The following POU1F1 variants were observed in gnomAD, a reference collection of about 807,000 sequenced individuals.
POU1F1 encodes pituitary-specific positive transcription factor 1.
Under a neutral mutation model 32.3 loss-of-function variants are expected in POU1F1, and 23 were observed. The observed-to-expected ratio is 0.71, with a 90% CI of 0.51 to 1.01. POU1F1 has a LOEUF of 1.01. POU1F1 is among the 50% of genes least tolerant of loss of function. The probability of loss-of-function intolerance (pLI) is 0.00; values close to 1 mark genes in which losing one functional copy is unlikely to be tolerated. For synonymous variants in POU1F1, 120 were observed against 115.6 expected (o/e 1.04, Z -0.25); for missense variants, 323 against 341.6 (o/e 0.95, Z 0.43).
At chr3:87,265,225 A>G (rs34487936) in intron 2 of POU1F1, among the ~76,000 whole-genome samples, 1 of 152,200 alleles carries the variant, frequency 6.6e-6, no homozygotes, top group East Asian at 1.9e-4. Flanking sequence ...TGAAAAATAT[A>G]CAATATAATA....
intron 2 of POU1F1, among the ~76,000 whole-genome samples, chr3:87,271,867 A>G (rs748489232): frequency 6.6e-6 from 1 of 152,152 alleles, no homozygotes; most frequent in Non-Finnish European, 1.5e-5. Context: ...ATTTAACCAT[A>G]AATGTTAGGA....
chr3:87,271,596 T>C (rs994263389), intron 2 of POU1F1, among the ~76,000 whole-genome samples: 15 of 152,168 alleles, frequency 9.9e-5, no homozygotes, highest in African/African-American at 3.6e-4. Flanking sequence ...TGTCATTTCC[T>C]GTCTCATAAT....
intron 5 of POU1F1, among the ~76,000 whole-genome samples, chr3:87,261,063 A>T (rs1405184039): frequency 6.6e-6 from 1 of 151,934 alleles, no homozygotes; most frequent in Non-Finnish European, 1.5e-5. Flanking sequence ...GGCACCCACC[A>T]CCATGCCCGG....
intron 2 of POU1F1, 91 bp downstream of exon 2, chr3:87,273,256 A>T: frequency 4.5e-6 from 6 of 1,325,914 alleles, no homozygotes; most frequent in Non-Finnish European, 6.4e-6. Context: ...ATCAAATTTC[A>T]TGTCACACTC....
Position 87,261,260 on chromosome 3 carries a change from A to G in POU1F1, c.665+13T>C. 6.5e-7 allele frequency: 1 copy of G among 1,538,330 alleles called. No homozygotes were observed. The highest frequency in any genetic ancestry group is 1.4e-5 in the African/African-American group (1 of 73,106). ...CAGTTTTGTCCTCTAGTAACTTTTA[A>G]TATAAAGAATACCTTATAGTTGTTC... On this transcript the variant is annotated intron_variant, in intron 5 of 5. Transcript: ENST00000350375.
At chr3:87,262,474 A>G (rs1352564225) in intron 3 of POU1F1, among the ~76,000 whole-genome samples, 2 of 152,194 alleles carry the variant, frequency 1.3e-5, no homozygotes, top group Non-Finnish European at 2.9e-5. Context: ...GAAAGAATTC[A>G]GATAGAAACA....
intron 2 of POU1F1, among the ~76,000 whole-genome samples, chr3:87,267,358 C>A (rs1706639108): frequency 6.6e-6 from 1 of 152,116 alleles, no homozygotes; most frequent in Admixed American, 6.6e-5. Flanking sequence ...AACGAATTAA[C>A]TTTGCAGTTT....
Position 87,266,053 on chromosome 3 carries a change from C to T in POU1F1, c.215-1541G>A, listed in dbSNP as rs1706614142. On this transcript the variant is annotated intron_variant, in intron 2 of 5. Transcript: ENST00000350375. ...GAGTTCATGCTACCTATAATTTCTC[C>T]ACACATACATTCTCAAATCAAAGAC... Among the ~76,000 whole-genome samples the T allele has an allele frequency of 2.0e-5, 3 of 150,510 alleles. 1 individual carries two copies. Among genetic ancestry groups the T allele is most frequent in the Middle Eastern group, 6.4e-3 (2 of 312 alleles).
intron 2 of POU1F1, among the ~76,000 whole-genome samples, chr3:87,264,974 A>T (rs1280083178): frequency 6.6e-6 from 1 of 152,170 alleles, no homozygotes. Flanking sequence ...TGCTATGCTG[A>T]GAAGTTTTCT....
intron 3 of POU1F1, among the ~76,000 whole-genome samples, chr3:87,262,602 A>C (rs1038862244): frequency 1.3e-5 from 2 of 152,078 alleles, no homozygotes; most frequent in African/African-American, 4.8e-5. Flanking sequence ...ATGCTCAAAA[A>C]ATTTTAATAT....
At chr3:87,272,924 G>T (rs1254420779) in intron 2 of POU1F1, among the ~76,000 whole-genome samples, 1 of 152,158 alleles carries the variant, frequency 6.6e-6, no homozygotes, top group Non-Finnish European at 1.5e-5. Context: ...TAGAGCACTT[G>T]AAATGTAGCA....
intron 2 of POU1F1, among the ~76,000 whole-genome samples, chr3:87,266,259 A>T (rs1254906709): frequency 6.8e-6 from 1 of 146,598 alleles, no homozygotes; most frequent in African/African-American, 2.5e-5. Context: ...TATATTTTAT[A>T]TAAATTTAAT....
intron 3 of POU1F1, 29 bp from the exon 4 acceptor site, chr3:87,262,264 T>G (rs1706528470): frequency 5.6e-6 from 9 of 1,613,046 alleles, no homozygotes; most frequent in Non-Finnish European, 7.6e-6. Context: ...GACCATCAGC[T>G]CCAACTTTCC....
chr3:87,262,833 C>T (rs867646120), intron 3 of POU1F1, among the ~76,000 whole-genome samples: 2 of 151,986 alleles, frequency 1.3e-5, no homozygotes, highest in Non-Finnish European at 1.5e-5. Context: ...ACTAATGATC[C>T]TTATTGTTTG....
At chr3:87,269,498 C>T (rs1317675033) in intron 2 of POU1F1, among the ~76,000 whole-genome samples, 1 of 151,636 alleles carries the variant, frequency 6.6e-6, no homozygotes, top group Non-Finnish European at 1.5e-5. Flanking sequence ...ACAACCAGAA[C>T]AATTTAGGGC....
At chr3:87,274,632 C>CATT (rs1706794023) in intron 1 of POU1F1, among the ~76,000 whole-genome samples, 1 of 151,224 alleles carries the variant, frequency 6.6e-6, no homozygotes. Flanking sequence ...ACATATAATG[C>CATT]ATTACTGTGC....
chr3:87,273,910 C>T (rs300977), intron 1 of POU1F1, among the ~76,000 whole-genome samples: 59,570 of 151,964 alleles, frequency 0.39, 12,131 homozygotes, highest in South Asian at 0.57. Flanking sequence ...TCTTGAACAG[C>T]GTATTTTTGC....
At chr3:87,269,117 T>G (rs1706679137) in intron 2 of POU1F1, among the ~76,000 whole-genome samples, 1 of 152,192 alleles carries the variant, frequency 6.6e-6, no homozygotes, top group South Asian at 2.1e-4. Flanking sequence ...TTCCATATAT[T>G]CCCCTCTGTT....
intron 1 of POU1F1, among the ~76,000 whole-genome samples, chr3:87,275,394 C>A (rs1706808230): frequency 6.6e-6 from 1 of 151,916 alleles, no homozygotes; most frequent in Non-Finnish European, 1.5e-5. Flanking sequence ...AGCTTAAATC[C>A]TTCAAATCAG....
Sources: gnomAD v4.1 joint callset for allele counts (sites outside exome capture counted in the v4.1 genomes callset) on GRCh38, gnomAD v4.1.1 for gene constraint, MANE v1.5 for transcripts, NCBI Gene and HGNC (gene_info 2026-07-23, HGNC 2026-07-21) for gene names.